SV2C: variants seen among roughly 807,000 people sequenced by gnomAD.
SV2C encodes solute carrier family 22 member B3.
SV2C carries 49 observed loss-of-function variants against 79.7 expected under a neutral mutation model. That is an observed-to-expected ratio of 0.61 (90% CI 0.49 to 0.78). The LOEUF is 0.78. Ranked by LOEUF, SV2C falls within the 30% of genes least tolerant of loss-of-function variation. The pLI is 0.00. For synonymous variants in SV2C, 334 were observed against 333.2 expected (o/e 1.00, Z -0.03); for missense variants, 833 against 912.9 (o/e 0.91, Z 1.13).
intron 1 of SV2C, among the ~76,000 whole-genome samples, chr5:76,123,823 C>T (rs532398941): frequency 2.2e-4 from 34 of 152,294 alleles, no homozygotes; most frequent in African/African-American, 7.9e-4. Context: ...AATTACTAAA[C>T]TTGTGATAAA....
At chr5:76,209,105 T>C (rs1054406440) in intron 3 of SV2C, among the ~76,000 whole-genome samples, 6 of 152,214 alleles carry the variant, frequency 3.9e-5, no homozygotes, top group Admixed American at 1.3e-4. Context: ...CAGCTCCTTA[T>C]TTTATTCTAC....
At chr5:76,120,353 TTC>T (rs1027446766) in intron 1 of SV2C, among the ~76,000 whole-genome samples, 1 of 151,984 alleles carries the variant, frequency 6.6e-6, no homozygotes, top group African/African-American at 2.4e-5. Flanking sequence ...TGTTCTTTTT[TTC>T]TTTTTCTCTT....
chr5:76,150,626 CTTTTTTTTTTTTT>C (rs57910684), intron 2 of SV2C, among the ~76,000 whole-genome samples: 20 of 56,458 alleles, frequency 3.5e-4, no homozygotes, highest in African/African-American at 1.1e-3. Context: ...TCATCAAATT[CTTTTTTTTTTTTT>C]TTTTTTTTTT....
the SV2C span, among the ~76,000 whole-genome samples, chr5:76,012,756 T>C: frequency 6.6e-6 from 1 of 152,370 alleles, no homozygotes; most frequent in Admixed American, 6.5e-5. Context: ...TCTAAGTCTT[T>C]AATCCATCTT....
chr5:75,893,097 A>T, the SV2C span, among the ~76,000 whole-genome samples: 2 of 151,908 alleles, frequency 1.3e-5, no homozygotes, highest in Non-Finnish European at 2.9e-5. Context: ...TTATTTTTTA[A>T]TTTTTTAGTG....
chr5:76,037,792 G>T, the SV2C span, among the ~76,000 whole-genome samples: 1 of 152,376 alleles, frequency 6.6e-6, no homozygotes, highest in Middle Eastern at 3.4e-3. Flanking sequence ...CTTCCTGGCT[G>T]CTTTGTTTAC....
the SV2C span, among the ~76,000 whole-genome samples, chr5:76,031,177 A>C: frequency 1.3e-5 from 2 of 152,126 alleles, no homozygotes; most frequent in Non-Finnish European, 2.9e-5. Context: ...CTCTCCCACA[A>C]CTTCCCTACC....
intron 4 of SV2C, among the ~76,000 whole-genome samples, chr5:76,228,347 A>T (rs1745316393): frequency 6.6e-6 from 1 of 152,204 alleles, no homozygotes; most frequent in Non-Finnish European, 1.5e-5. Flanking sequence ...GGCAGAAGAC[A>T]GGCTGTGGTG....
chr5:76,165,775 A>C (rs1202116097), intron 2 of SV2C, among the ~76,000 whole-genome samples: 1 of 152,224 alleles, frequency 6.6e-6, no homozygotes, highest in Non-Finnish European at 1.5e-5. Context: ...CCAAAGTCAG[A>C]AAGATCAAAT....
intron 12 of SV2C, among the ~76,000 whole-genome samples, chr5:76,314,229 G>A (rs1433891100): frequency 4.6e-5 from 7 of 152,160 alleles, no homozygotes; most frequent in Non-Finnish European, 7.3e-5. Context: ...TTTCCTCCCC[G>A]TATGGGGTCC....
At chr5:75,867,080 G>A in the SV2C span, among the ~76,000 whole-genome samples, 3 of 152,288 alleles carry the variant, frequency 2.0e-5, no homozygotes, top group Admixed American at 6.5e-5. Flanking sequence ...GATATAGGCC[G>A]AGAGAGAACC....
chr5:76,154,336 A>G (rs1742657634), intron 2 of SV2C, among the ~76,000 whole-genome samples: 1 of 152,182 alleles, frequency 6.6e-6, no homozygotes, highest in Non-Finnish European at 1.5e-5. Flanking sequence ...TTAATGTATA[A>G]AACCAGTGAT....
At position 76,250,680 on chromosome 5, in the gene SV2C, G is replaced by C. The variant is rs548108522; in HGVS notation, c.914-34482G>C. On this transcript the variant is annotated intron_variant, in intron 4 of 12. Coordinates refer to ENST00000502798, the MANE Select transcript of SV2C (RefSeq NM_014979.4). ...TTGTCTGAGAAGGGTCTCCGCTCCT[G>C]GGTCAGCATTAGAAGCCTGGAGTGA... Among the ~76,000 whole-genome samples the C allele has an allele frequency of 1.6e-3, 239 of 152,300 alleles. 1 individual carries two copies. Among genetic ancestry groups the C allele is most frequent in the Admixed American group, 4.4e-3 (68 of 15,292 alleles).
the SV2C span, among the ~76,000 whole-genome samples, chr5:75,981,942 T>A: frequency 6.6e-6 from 1 of 151,884 alleles, no homozygotes; most frequent in Non-Finnish European, 1.5e-5. Flanking sequence ...ACCTACAGAA[T>A]GAGAGAAAAT....
chr5:76,091,012 C>T (rs923644128), intron 1 of SV2C, among the ~76,000 whole-genome samples: 5 of 152,080 alleles, frequency 3.3e-5, no homozygotes, highest in East Asian at 3.9e-4. Flanking sequence ...GTTCTAAGCA[C>T]GCCAATTTTC....
At position 76,122,427 on chromosome 5, in the gene SV2C, G is replaced by A. The variant is rs1438536078; in HGVS notation, c.-101-9223G>A. On this transcript the variant is annotated intron_variant, in intron 1 of 12. Coordinates refer to ENST00000502798, the MANE Select transcript of SV2C (RefSeq NM_014979.4). ...ACTATGTTGAATAGGAGTGGTGAGAGAGGGCATCCCTGTCTTGTGCCAGTT... is the reference window on the plus strand; with the variant it reads ...ACTATGTTGAATAGGAGTGGTGAGAAAGGGCATCCCTGTCTTGTGCCAGTT... 2.0e-5 allele frequency among the ~76,000 whole-genome samples: 3 copies of A among 151,986 alleles called. No individual in the cohort carries two copies. In the East Asian group the frequency reaches 5.8e-4, roughly 29 times the overall value.
intron 3 of SV2C, among the ~76,000 whole-genome samples, chr5:76,209,275 G>A (rs1744697655): frequency 6.6e-6 from 1 of 152,168 alleles, no homozygotes; most frequent in African/African-American, 2.4e-5. Context: ...AATACAGATT[G>A]CAGACAGTAC....
At chr5:75,965,200 G>A in the SV2C span, among the ~76,000 whole-genome samples, 2 of 152,044 alleles carry the variant, frequency 1.3e-5, no homozygotes, top group Non-Finnish European at 2.9e-5. Flanking sequence ...AAGAGATTGG[G>A]GCTTACAACC....
chr5:76,044,188 G>T, the SV2C span, among the ~76,000 whole-genome samples: 1 of 152,268 alleles, frequency 6.6e-6, no homozygotes, highest in East Asian at 1.9e-4. Flanking sequence ...GCATTAGTTT[G>T]CTGAGGATAA....
Sources: allele counts gnomAD v4.1 joint callset (sites outside exome capture counted in the v4.1 genomes callset), GRCh38; gene constraint gnomAD v4.1.1; transcripts MANE v1.5; gene names NCBI Gene and HGNC (gene_info 2026-07-23, HGNC 2026-07-21).